Variants in PFDN1 observed in about 807,000 individuals in gnomAD.
PFDN1 encodes prefoldin subunit 1.
PFDN1 carries 6 observed loss-of-function variants against 17.3 expected under a neutral mutation model. The observed-to-expected ratio is 0.35, with a 90% CI of 0.19 to 0.69. PFDN1 has a LOEUF of 0.69. Among genes scored for constraint, PFDN1 ranks in the 30% least tolerant of loss-of-function variants. The pLI, the probability that PFDN1 is intolerant of heterozygous loss-of-function variation, is 0.65. For synonymous variants in PFDN1, 58 were observed against 50.1 expected (o/e 1.16, Z -0.67); for missense variants, 113 against 146.2 (o/e 0.77, Z 1.17).
At chr5:140,297,917 G>A (rs1453556248) in intron 2 of PFDN1, among the ~76,000 whole-genome samples, 1 of 152,182 alleles carries the variant, frequency 6.6e-6, no homozygotes, top group African/African-American at 2.4e-5. Context: ...GGCTAGCGCA[G>A]TGATGTGAAA....
chr5:140,255,648 A>G (rs892056384), intron 3 of PFDN1, among the ~76,000 whole-genome samples: 6 of 152,118 alleles, frequency 3.9e-5, no homozygotes, highest in Non-Finnish European at 8.8e-5. Context: ...GTCTCAAAAC[A>G]AAACAAAAAC....
chr5:140,278,580 A>C lies in PFDN1; in HGVS notation c.285+2869T>G, dbSNP rs972218913. ...CTCAAAAAAAAAAAAAAAAAAAAAA[A>C]AAAAAAACAAAAAACAAAACATAAG... On this transcript the variant is annotated intron_variant, in intron 3 of 3. Coordinates refer to ENST00000261813, the MANE Select transcript of PFDN1 (RefSeq NM_002622.5). Among the ~76,000 whole-genome samples the C allele has an allele frequency of 6.7e-5, 10 of 149,758 alleles. No individual in the cohort carries two copies. The East Asian group carries it at 1.4e-3, about 20-fold the overall frequency.
chr5:140,285,970 G>A (rs1262950805), intron 2 of PFDN1, among the ~76,000 whole-genome samples: 1 of 151,578 alleles, frequency 6.6e-6, no homozygotes, highest in Non-Finnish European at 1.5e-5. Flanking sequence ...AATGCCCCAT[G>A]TCTAAAAAAT....
chr5:140,279,725 G>A (rs996829635), intron 3 of PFDN1, among the ~76,000 whole-genome samples: 1 of 151,824 alleles, frequency 6.6e-6, no homozygotes, highest in Non-Finnish European at 1.5e-5. Flanking sequence ...ATCAAGGCCA[G>A]GCGCAGTGGC....
At chr5:140,251,407 G>A (rs749463412) in intron 3 of PFDN1, among the ~76,000 whole-genome samples, 11 of 152,146 alleles carry the variant, frequency 7.2e-5, no homozygotes, top group Non-Finnish European at 1.2e-4. Context: ...AGGCCTTAAT[G>A]CTTTATCAGG....
At chr5:140,247,615 G>A (rs1764848582) in intron 3 of PFDN1, among the ~76,000 whole-genome samples, 2 of 152,172 alleles carry the variant, frequency 1.3e-5, no homozygotes, top group Admixed American at 6.5e-5. Context: ...CTAAGTTGCA[G>A]AGAATTCCTT....
intron 2 of PFDN1, among the ~76,000 whole-genome samples, chr5:140,291,096 G>A (rs1765574308): frequency 6.6e-6 from 1 of 152,174 alleles, no homozygotes. Context: ...ACTGGCAAGT[G>A]CAAAAGACTT....
In PFDN1 at chr5:140,245,701, A is replaced by G. The variant is rs1764819057; in HGVS notation, c.*273T>C. On this transcript the variant is annotated 3_prime_UTR_variant, in exon 4 of 4. Transcript: ENST00000261813. ...GTGGAAAGCTCAGGCAGAGCTTCCT[A>G]TCTTGCCCTGGCTCCCATCTTCCCT... The G allele has an allele frequency of 5.2e-5, 32 of 619,998 alleles. No individual in the cohort carries two copies. The South Asian group carries it at 5.9e-4, about 11-fold the overall frequency. 38.4% of individuals were successfully genotyped at this position (619,998 alleles called of 1,614,324 possible). A position where few individuals can be genotyped will look rare whatever the true frequency, so the allele number is the denominator to read the frequency against.
chr5:140,280,424 CT>C (rs1342978578), intron 3 of PFDN1, among the ~76,000 whole-genome samples: 1 of 152,242 alleles, frequency 6.6e-6, no homozygotes, highest in Non-Finnish European at 1.5e-5. Flanking sequence ...GCTGTTTTTT[CT>C]TTACTTGGTT....
intron 2 of PFDN1, among the ~76,000 whole-genome samples, chr5:140,286,692 G>A (rs559834881): frequency 3.0e-5 from 4 of 132,098 alleles, no homozygotes; most frequent in Admixed American, 1.8e-4. Flanking sequence ...TGCAAACTAC[G>A]CCTCCAGGGT....
intron 3 of PFDN1, among the ~76,000 whole-genome samples, chr5:140,247,074 T>C (rs916156396): frequency 2.0e-5 from 3 of 152,218 alleles, no homozygotes; most frequent in Non-Finnish European, 4.4e-5. Context: ...CCCACAGGAC[T>C]CAGGGAAGCA....
At chr5:140,295,928 T>C (rs990105929) in intron 2 of PFDN1, among the ~76,000 whole-genome samples, 1 of 152,148 alleles carries the variant, frequency 6.6e-6, no homozygotes, top group Non-Finnish European at 1.5e-5. Flanking sequence ...GATATTATTA[T>C]GCATAAAATA....
rs185020652 is a variant in PFDN1 at position 140,260,116 on chromosome 5, T to C, written c.286-14059A>G. Among the ~76,000 whole-genome samples, 130 of 152,124 alleles carry C rather than the reference T, an allele frequency of 8.5e-4. No homozygotes were observed. The Middle Eastern group carries it at 0.02, about 24-fold the overall frequency. On this transcript the variant is annotated intron_variant, in intron 3 of 3. Coordinates refer to ENST00000261813, the MANE Select transcript of PFDN1 (RefSeq NM_002622.5). ...ACTTTGGAAGGCCAACATGGGAGGA[T>C]CATTTGAGCTCAGGAATTTGAAACC...
chr5:140,274,952 T>TCACC (rs1765267210), intron 3 of PFDN1, among the ~76,000 whole-genome samples: 1 of 144,736 alleles, frequency 6.9e-6, no homozygotes, highest in Admixed American at 7.0e-5. Context: ...GAGATTGTGA[T>TCACC]ACTGCACCCC....
intron 3 of PFDN1, among the ~76,000 whole-genome samples, chr5:140,280,627 G>C (rs1338383884): frequency 1.3e-5 from 2 of 152,178 alleles, no homozygotes; most frequent in Non-Finnish European, 2.9e-5. Flanking sequence ...AAATTCAGCA[G>C]AGGGCTGAGT....
chr5:140,268,430 T>C (rs1045896309), intron 3 of PFDN1, among the ~76,000 whole-genome samples: 1 of 152,146 alleles, frequency 6.6e-6, no homozygotes, highest in Admixed American at 6.6e-5. Flanking sequence ...GGTGGACCGC[T>C]TGAGGCCAGG....
chr5:140,251,871 T>C (rs576954183), intron 3 of PFDN1, among the ~76,000 whole-genome samples: 1 of 152,172 alleles, frequency 6.6e-6, no homozygotes, highest in South Asian at 2.1e-4. Context: ...CTAGAACTTT[T>C]CTGACATGAC....
At chr5:140,262,645 T>C (rs553142231) in intron 3 of PFDN1, 60 of 435,462 alleles carry the variant, frequency 1.4e-4, no homozygotes, top group Admixed American at 8.8e-4. Flanking sequence ...GTGTTACCTA[T>C]TGAATACAGG....
chr5:140,286,992 T>C (rs1241150441), intron 2 of PFDN1, among the ~76,000 whole-genome samples: 5 of 152,176 alleles, frequency 3.3e-5, no homozygotes, highest in African/African-American at 1.2e-4. Flanking sequence ...TTGTATGTAT[T>C]AGATTAGAAC....
Sources: gnomAD v4.1 joint callset for allele counts (sites outside exome capture counted in the v4.1 genomes callset) on GRCh38, gnomAD v4.1.1 for gene constraint, MANE v1.5 for transcripts, NCBI Gene and HGNC (gene_info 2026-07-23, HGNC 2026-07-21) for gene names.